Variants in AXDND1 observed in about 807,000 individuals in gnomAD.
AXDND1 encodes axonemal dynein light chain domain containing 1.
Under a neutral mutation model 137.5 loss-of-function variants are expected in AXDND1, and 110 were observed. That is an observed-to-expected ratio of 0.80 (90% CI 0.69 to 0.94). AXDND1 has a LOEUF of 0.94. AXDND1 is among the 40% of genes least tolerant of loss of function. The probability of loss-of-function intolerance (pLI) is 0.00; values close to 1 mark genes in which losing one functional copy is unlikely to be tolerated. For synonymous variants in AXDND1, 414 were observed against 399.7 expected (o/e 1.04, Z -0.43); for missense variants, 1,191 against 1,169.8 (o/e 1.02, Z -0.26).
At chr1:179,418,316 A>C (rs980195630) in intron 12 of AXDND1, among the ~76,000 whole-genome samples, 13 of 152,364 alleles carry the variant, frequency 8.5e-5, no homozygotes, top group Middle Eastern at 3.4e-3. Context: ...GTAAGGTCAC[A>C]GATCAACAGG....
chr1:179,499,973 A>G (rs891413727), intron 20 of AXDND1, among the ~76,000 whole-genome samples: 3 of 152,188 alleles, frequency 2.0e-5, no homozygotes, highest in African/African-American at 7.2e-5. Flanking sequence ...GACAGCTTCA[A>G]CAGAAAGCCC....
At position 179,514,887 on chromosome 1, in the gene AXDND1, G is replaced by T. The variant is rs1401184975; in HGVS notation, c.2496+5484G>T. ...GTCTGATATAAGAATAGCTACCCCT[G>T]CTCGCTTTTGGTGTCCATTTGCATG... On this transcript the variant is annotated intron_variant, in intron 21 of 25. Transcript: ENST00000367618. Among the ~76,000 whole-genome samples the T allele has an allele frequency of 1.3e-5, 2 of 152,206 alleles. 1 individual carries two copies. The highest frequency in any genetic ancestry group is 6.8e-3 in the Middle Eastern group (2 of 294).
intron 12 of AXDND1, among the ~76,000 whole-genome samples, chr1:179,415,849 A>T (rs1177988849): frequency 6.6e-6 from 1 of 152,098 alleles, no homozygotes; most frequent in Non-Finnish European, 1.5e-5. Context: ...GGTACATCTT[A>T]TAATTTAATG....
chr1:179,383,180 G>C (rs572926042), intron 7 of AXDND1, among the ~76,000 whole-genome samples: 2 of 151,716 alleles, frequency 1.3e-5, no homozygotes, highest in South Asian at 4.2e-4. Flanking sequence ...ACTGCTATAT[G>C]ATAGGTATAT....
At chr1:179,505,025 A>G (rs755463998) in intron 20 of AXDND1, among the ~76,000 whole-genome samples, 5 of 152,076 alleles carry the variant, frequency 3.3e-5, no homozygotes, top group Admixed American at 6.5e-5. Flanking sequence ...TTCCATCTTC[A>G]TGAAGGTTAT....
chr1:179,393,279 G>A (rs1391155223), intron 9 of AXDND1, among the ~76,000 whole-genome samples: 1 of 152,156 alleles, frequency 6.6e-6, no homozygotes, highest in African/African-American at 2.4e-5. Context: ...TTGGCTGTAA[G>A]TATCTGAGTT....
intron 20 of AXDND1, among the ~76,000 whole-genome samples, chr1:179,496,822 C>T (rs1667492281): frequency 6.6e-6 from 1 of 152,052 alleles, no homozygotes; most frequent in Admixed American, 6.6e-5. Context: ...CCTCCTCCCC[C>T]ATACCCCCGT....
chr1:179,447,691 G>A, intron 16 of AXDND1: 1 of 1,345,652 alleles, frequency 7.4e-7, no homozygotes, highest in Non-Finnish European at 1.1e-6. Flanking sequence ...ACCTGGTGGA[G>A]GGGGAGACTT....
At chr1:179,503,049 C>T (rs1001928632) in intron 20 of AXDND1, among the ~76,000 whole-genome samples, 2 of 149,010 alleles carry the variant, frequency 1.3e-5, no homozygotes, top group Non-Finnish European at 3.0e-5. Context: ...GAGGTGAGAT[C>T]GTGCCATTGC....
chr1:179,409,690 T>C (rs1653552988), intron 11 of AXDND1, among the ~76,000 whole-genome samples: 1 of 152,176 alleles, frequency 6.6e-6, no homozygotes, highest in African/African-American at 2.4e-5. Flanking sequence ...GAGACCATCC[T>C]GGCCAACATG....
chr1:179,375,576 A>T (rs1215085583), intron 4 of AXDND1, among the ~76,000 whole-genome samples: 1 of 148,774 alleles, frequency 6.7e-6, no homozygotes, highest in African/African-American at 2.5e-5. Context: ...GTACATACAT[A>T]TATGTACATA....
chr1:179,498,229 G>A (rs1667648918), intron 20 of AXDND1, among the ~76,000 whole-genome samples: 1 of 152,046 alleles, frequency 6.6e-6, no homozygotes, highest in Non-Finnish European at 1.5e-5. Context: ...AACAAAGCTG[G>A]AGGCATCACA....
At chr1:179,523,514 A>G (rs758425289) in intron 21 of AXDND1, among the ~76,000 whole-genome samples, 5 of 152,178 alleles carry the variant, frequency 3.3e-5, no homozygotes, top group Non-Finnish European at 5.9e-5. Flanking sequence ...AAGAAAATCC[A>G]TACTGGTTAG....
chr1:179,451,990 G>C (rs1422020302), intron 16 of AXDND1: 3 of 153,246 alleles, frequency 2.0e-5, no homozygotes, highest in Non-Finnish European at 2.9e-5. Context: ...CTGGGTAACA[G>C]GCAGAAGTTG....
At chr1:179,519,416 T>C (rs983430738) in intron 21 of AXDND1, among the ~76,000 whole-genome samples, 1 of 152,246 alleles carries the variant, frequency 6.6e-6, no homozygotes, top group African/African-American at 2.4e-5. Context: ...CAATTTTTGC[T>C]TCTGTTGCAA....
chr1:179,479,197 C>T (rs1301638311), intron 17 of AXDND1, among the ~76,000 whole-genome samples: 2 of 152,168 alleles, frequency 1.3e-5, no homozygotes, highest in Non-Finnish European at 2.9e-5. Context: ...CTTCCACTGG[C>T]CGGGTGCAGT....
chr1:179,514,819 C>T (rs140856791), intron 21 of AXDND1, among the ~76,000 whole-genome samples: 3 of 152,206 alleles, frequency 2.0e-5, no homozygotes, highest in African/African-American at 7.2e-5. Context: ...TATATAATGT[C>T]CCTCTTTGTC....
chr1:179,446,823 CCTT>C lies in AXDND1; in HGVS notation c.1798+1620_1798+1622del, dbSNP rs567474904. On this transcript the variant is annotated intron_variant, in intron 16 of 25. Transcript: ENST00000367618. ...GGCTTTTCCATTTTCTTGATAGTGT[CCTT>C]TTTTTTTTTTAAACAGAATAAATAA... 1.2e-3 allele frequency among the ~76,000 whole-genome samples: 166 copies of C among 135,390 alleles called. 1 individual carries two copies. The highest frequency in any genetic ancestry group is 3.7e-3 in the Middle Eastern group (1 of 272). 88.8% of individuals were successfully genotyped at this position (135,390 alleles called of 152,430 possible).
chr1:179,459,164 C>A lies in AXDND1; in HGVS notation c.1799-9279C>A, dbSNP rs941436937. Reference sequence around the variant, plus strand: ...GTTTTTATCACCTCAAGAATACATTCTTTAAAGGAAGTACTTACCTATAAT... The same window carrying A: ...GTTTTTATCACCTCAAGAATACATTATTTAAAGGAAGTACTTACCTATAAT... On this transcript the variant is annotated intron_variant, in intron 16 of 25. Coordinates refer to ENST00000367618, the MANE Select transcript of AXDND1 (RefSeq NM_144696.6). Among the ~76,000 whole-genome samples the A allele has an allele frequency of 1.6e-4, 24 of 152,104 alleles. 1 individual carries two copies. The highest frequency in any genetic ancestry group is 5.8e-4 in the African/African-American group (24 of 41,418).
Sources: allele counts gnomAD v4.1 joint callset (sites outside exome capture counted in the v4.1 genomes callset), GRCh38; gene constraint gnomAD v4.1.1; transcripts MANE v1.5; gene names NCBI Gene and HGNC (gene_info 2026-07-23, HGNC 2026-07-21).